Variants in USP43 observed in about 807,000 individuals in gnomAD.
The protein encoded by USP43 is ubiquitin carboxyl-terminal hydrolase 43.
In USP43, 33 loss-of-function variants were observed where a neutral mutation model predicts 90.7. That is an observed-to-expected ratio of 0.36 (90% CI 0.28 to 0.49). The LOEUF is 0.49. Among genes scored for constraint, USP43 ranks in the 20% least tolerant of loss-of-function variants. USP43 has a pLI of 0.98. For synonymous variants in USP43, 598 were observed against 615.8 expected, an observed-to-expected ratio of 0.97 and a Z score of 0.43; for missense variants, 1,274 against 1,476.4, an observed-to-expected ratio of 0.86 and a Z score of 2.25.
At chr17:9,707,988 G>A (rs1204465202) in intron 12 of USP43, among the ~76,000 whole-genome samples, 7 of 152,216 alleles carry the variant, frequency 4.6e-5, no homozygotes, top group Admixed American at 2.6e-4. Flanking sequence ...GACTGTGTCT[G>A]TGATAGACAT....
rs1019545844 is a variant in USP43, at chr17:9,686,222, T to G, written c.1242-576T>G. On this transcript the variant is annotated intron_variant, in intron 7 of 14. Coordinates refer to ENST00000285199, the MANE Select transcript of USP43 (RefSeq NM_153210.5). The surrounding 1 kb of genome is among the most constrained non-coding windows in gnomAD (Gnocchi z 5.5). ...CATTTCTTTTCCATTCATCCACCGA[T>G]GTACACTTAGGTTGATTTGGAATCT... is the stretch of plus-strand genomic sequence containing the variant. Among the ~76,000 whole-genome samples, 2 of 152,220 alleles carry G rather than the reference T, an allele frequency of 1.3e-5. No homozygotes were observed. Among genetic ancestry groups the G allele is most frequent in the African/African-American group, 4.8e-5 (2 of 41,462 alleles).
upstream of USP43, chr17:9,645,453 C>A: frequency 6.3e-6 from 3 of 472,536 alleles, no homozygotes; most frequent in Admixed American, 5.1e-5. The surrounding 1 kb of genome is among the most constrained non-coding windows in gnomAD (Gnocchi z 6.8). Flanking sequence ...GCTGGTCGTG[C>A]CGCCGGATTC....
intron 3 of USP43, among the ~76,000 whole-genome samples, chr17:9,670,838 A>G (rs1357109924): frequency 2.6e-5 from 4 of 152,152 alleles, no homozygotes; most frequent in East Asian, 1.9e-4. Context: ...TGAACTGGCA[A>G]TGGCTAAAAA....
At chr17:9,691,778 G>A (rs1267550960) in intron 8 of USP43, among the ~76,000 whole-genome samples, 1 of 152,090 alleles carries the variant, frequency 6.6e-6, no homozygotes, top group Non-Finnish European at 1.5e-5. Context: ...GCCAGGTGCG[G>A]TGGCTCATGC....
chr17:9,676,987 A>G (rs1913826926), intron 5 of USP43, 106 bp downstream of exon 5: 1 of 1,418,184 alleles, frequency 7.1e-7, no homozygotes, highest in Non-Finnish European at 9.5e-7. Context: ...TGACTCCAGT[A>G]TGACTCATGG....
chr17:9,653,832 G>A (rs1194866485), intron 1 of USP43, among the ~76,000 whole-genome samples: 1 of 152,156 alleles, frequency 6.6e-6, no homozygotes, highest in Non-Finnish European at 1.5e-5. Context: ...TGAAGTCAGT[G>A]GGTTGGCAAG....
In USP43 at chr17:9,678,494, C is replaced by T. The variant is rs150196220; in HGVS notation, c.969+1613C>T. On this transcript the variant is annotated intron_variant, in intron 5 of 14. Transcript: ENST00000285199. ...GCCTCAGCCTCCTGAGTATGCATCA[C>T]CACACCCAGCTAATTTTTTGTATTT... Among the ~76,000 whole-genome samples, 535 of 152,204 alleles carry T rather than the reference C, an allele frequency of 3.5e-3. 2 individuals carry two copies. The highest frequency in any genetic ancestry group is 6.1e-3 in the Non-Finnish European group (418 of 68,008).
chr17:9,714,682 CAAA>C (rs34258688), intron 14 of USP43, among the ~76,000 whole-genome samples: 2 of 69,980 alleles, frequency 2.9e-5, no homozygotes, highest in Non-Finnish European at 2.8e-5. Flanking sequence ...GACTCCATCT[CAAA>C]AAAAAAAAAA....
At chr17:9,706,955 G>A (rs1915919481) in intron 12 of USP43, among the ~76,000 whole-genome samples, 1 of 151,880 alleles carries the variant, frequency 6.6e-6, no homozygotes, top group African/African-American at 2.4e-5. Flanking sequence ...GGATTTTTAT[G>A]ACTAGAACTA....
At chr17:9,724,852 C>G (rs569827517) in intron 14 of USP43, among the ~76,000 whole-genome samples, 1 of 151,694 alleles carries the variant, frequency 6.6e-6, no homozygotes, top group Admixed American at 6.6e-5. Context: ...AAGGAGTAAG[C>G]GGGTAGATGT....
intron 13 of USP43, among the ~76,000 whole-genome samples, chr17:9,711,425 T>A (rs573266005): frequency 4.4e-4 from 67 of 152,294 alleles, no homozygotes; most frequent in South Asian, 2.7e-3. Context: ...GTTGTTGTTG[T>A]TGTTTTGTTT....
intron 1 of USP43, among the ~76,000 whole-genome samples, chr17:9,651,969 GA>G (rs1911891054): frequency 1.3e-5 from 2 of 152,000 alleles, no homozygotes; most frequent in Admixed American, 1.3e-4. Context: ...TTTGTATTCA[GA>G]AAACAACCAG....
chr17:9,719,040 A>C (rs1015553909), intron 14 of USP43, among the ~76,000 whole-genome samples: 5 of 152,168 alleles, frequency 3.3e-5, no homozygotes, highest in East Asian at 1.9e-4. Context: ...AGGCAGGAGA[A>C]TCACTTGAAC....
At chr17:9,718,266 T>C (rs374750106) in intron 14 of USP43, among the ~76,000 whole-genome samples, 63 of 152,290 alleles carry the variant, frequency 4.1e-4, no homozygotes, top group African/African-American at 1.4e-3. Context: ...AAGTTCAAGT[T>C]CAGGTTATTA....
rs367655692 is a variant in USP43 at position 9,729,110 on chromosome 17, ATTTTTT to A, written c.*128_*133del. ...GTTGTCTTGTAATCTCTAAAAAAAA[ATTTTTT>A]TTTTTTTGTGGTGGGGGGTCTCCAT... On this transcript the variant is annotated 3_prime_UTR_variant, in exon 15 of 15. Transcript: ENST00000285199. 8 of 828,284 alleles carry A rather than the reference ATTTTTT, an allele frequency of 9.7e-6. No homozygotes were observed. The East Asian group carries it at 1.9e-4, about 19-fold the overall frequency. The allele number at this position is 828,284 out of a possible 1,614,324, so 51.3% of individuals were successfully genotyped here. A position where few individuals can be genotyped will look rare whatever the true frequency, so the allele number is the denominator to read the frequency against.
chr17:9,698,909 C>T (rs577330529), intron 9 of USP43, among the ~76,000 whole-genome samples: 15 of 152,322 alleles, frequency 9.8e-5, no homozygotes, highest in South Asian at 6.2e-4. Context: ...ATTACGTACC[C>T]GCAGACCTCT....
chr17:9,718,563 G>GGGC, intron 14 of USP43, among the ~76,000 whole-genome samples: 1 of 134,630 alleles, frequency 7.4e-6, no homozygotes, highest in African/African-American at 3.0e-5. Context: ...ATACGTTTCT[G>GGGC]TGAGCAGTGG....
At chr17:9,649,280 C>T (rs1238037296) in intron 1 of USP43, among the ~76,000 whole-genome samples, 1 of 152,112 alleles carries the variant, frequency 6.6e-6, no homozygotes, top group Non-Finnish European at 1.5e-5. Flanking sequence ...GTACTCTGGC[C>T]TGGGTGACAG....
chr17:9,715,721 ATGTGTGTGTG>A (rs1555555524), intron 14 of USP43, among the ~76,000 whole-genome samples: 1 of 102,990 alleles, frequency 9.7e-6, no homozygotes, highest in Non-Finnish European at 2.2e-5. Flanking sequence ...CTGTGTGTGT[ATGTGTGTGTG>A]TGTGTGTGTG....
Sources: gnomAD v4.1 joint callset for allele counts (sites outside exome capture counted in the v4.1 genomes callset) on GRCh38, gnomAD v4.1.1 for gene constraint, Gnocchi (gnomAD v3.1) non-coding constraint, MANE v1.5 for transcripts, NCBI Gene and HGNC (gene_info 2026-07-23, HGNC 2026-07-21) for gene names.